ASH1L: variants seen among roughly 807,000 people sequenced by gnomAD.
ASH1L encodes histone-lysine N-methyltransferase ASH1L.
Under a neutral mutation model 269.0 loss-of-function variants are expected in ASH1L, and 23 were observed. The ratio of observed to expected loss-of-function variants is 0.09; its 90% confidence interval spans 0.06 to 0.12. The LOEUF (loss-of-function observed/expected upper bound fraction) is 0.12, where lower values mean the gene tolerates loss of function less well. ASH1L is among the 10% of genes least tolerant of loss of function. ASH1L has a pLI of 1.00. For synonymous variants in ASH1L, 1,187 were observed against 1,253.5 expected (o/e 0.95, Z 1.12); for missense variants, 2,912 against 3,567.8 (o/e 0.82, Z 4.68).
At chr1:155,339,570 A>G (rs954330502) in intron 25 of ASH1L, among the ~76,000 whole-genome samples, 1 of 152,180 alleles carries the variant, frequency 6.6e-6, no homozygotes, top group Non-Finnish European at 1.5e-5. Flanking sequence ...TGACAATGGG[A>G]GGGATAAGTG....
intron 4 of ASH1L, among the ~76,000 whole-genome samples, chr1:155,440,282 T>C (rs1052043462): frequency 6.6e-6 from 1 of 152,004 alleles, no homozygotes; most frequent in African/African-American, 2.4e-5. Context: ...CATTCCAGCC[T>C]GGATGACAGA....
chr1:155,505,658 C>T (rs540904516), intron 2 of ASH1L, among the ~76,000 whole-genome samples: 6 of 152,096 alleles, frequency 3.9e-5, no homozygotes, highest in Non-Finnish European at 8.8e-5. Context: ...ACTCTGTATA[C>T]ACTTAACATA....
At chr1:155,486,549 T>G (rs562097621) in intron 2 of ASH1L, among the ~76,000 whole-genome samples, 1 of 152,292 alleles carries the variant, frequency 6.6e-6, no homozygotes, top group African/African-American at 2.4e-5. Flanking sequence ...TATAACTAGA[T>G]GGTGTGCAAC....
chr1:155,438,761 A>G lies in ASH1L; in HGVS notation c.5394T>C (p.Ser1798=), dbSNP rs781501540. The G allele has an allele frequency of 2.5e-6, 4 of 1,614,028 alleles. No individual in the cohort carries two copies. Among genetic ancestry groups the G allele is most frequent in the Non-Finnish European group, 3.4e-6 (4 of 1,180,024 alleles). ...CTTGGCGTTGCATAGCTTCCACTACACTTCTCTTGATATGATGGGGGGAAC... is the reference window on the plus strand; with the variant it reads ...CTTGGCGTTGCATAGCTTCCACTACGCTTCTCTTGATATGATGGGGGGAAC... ...SSCSPHHIKR[S]VVEAMQRQAR... The change falls in exon 5 of 28, where the codon AGT becomes AGC. Residue 1798 remains serine, a synonymous_variant. Coordinates refer to ENST00000392403, the MANE Select transcript of ASH1L (RefSeq NM_018489.3).
intron 3 of ASH1L, among the ~76,000 whole-genome samples, chr1:155,472,809 C>T (rs1290680447): frequency 6.6e-6 from 1 of 152,058 alleles, no homozygotes; most frequent in Non-Finnish European, 1.5e-5. Context: ...TTAATATGAG[C>T]AATTTTTTAA....
In ASH1L at chr1:155,478,399, C is replaced by T; in HGVS notation, c.4471G>A (p.Glu1491Lys). ...TGGGGTTGTTCAGAAGAACGGTGTT[C>T]TCTGTGTTTGTGACGGTGCCTGTGT... ...HKHRHRHKHREHRSSEQPQVS... is the reference protein window; with the variant it reads ...HKHRHRHKHRKHRSSEQPQVS... Residue 1491 changes from glutamate to lysine, a missense_variant, in exon 3 of 28, where the codon GAA (glutamate) becomes AAA (lysine). Transcript: ENST00000392403. The surrounding 1 kb of genome is among the most constrained non-coding windows in gnomAD (Gnocchi z 4.6). 1 of 1,614,046 alleles carries T rather than the reference C, an allele frequency of 6.2e-7. No homozygotes were observed. The highest frequency in any genetic ancestry group is 8.5e-7 in the Non-Finnish European group (1 of 1,180,010).
Position 155,482,056 on chromosome 1 carries a change from T to C in ASH1L, c.814A>G (p.Lys272Glu). ...ACTGCTGTGCTGATGGTTGGCTTTT[T>C]TATTAAGTCCTTATGTATTATTCCA... is the stretch of plus-strand genomic sequence containing the variant. ...VAGIIHKDLI[K>E]KPTISTAVGL... The change falls in exon 3 of 28, where the codon AAA becomes GAA. Residue 272 changes from lysine to glutamate, a missense_variant. Physicochemically the swap from Lys to Glu is moderately conservative, Grantham distance 56. This residue lies in a region of ASH1L where 277 missense variants were observed against 367.7 expected (regional missense o/e 0.75). Transcript: ENST00000392403. The C allele has an allele frequency of 6.2e-7, 1 of 1,614,188 alleles. No individual in the cohort carries two copies. Among genetic ancestry groups the C allele is most frequent in the Non-Finnish European group, 8.5e-7 (1 of 1,180,016 alleles).
chr1:155,484,314 C>T (rs560431056), intron 2 of ASH1L, among the ~76,000 whole-genome samples: 1 of 151,708 alleles, frequency 6.6e-6, no homozygotes, highest in African/African-American at 2.4e-5. Flanking sequence ...CATGGTGAAA[C>T]CCCATCTCTA....
At chr1:155,405,247 GA>G (rs938371892) in intron 6 of ASH1L, among the ~76,000 whole-genome samples, 12 of 146,618 alleles carry the variant, frequency 8.2e-5, no homozygotes, top group South Asian at 2.3e-4. Context: ...TTAGGGGGCT[GA>G]GGGGGGGGCA....
chr1:155,467,971 T>C (rs1664813528), intron 3 of ASH1L, among the ~76,000 whole-genome samples: 3 of 152,174 alleles, frequency 2.0e-5, no homozygotes, highest in African/African-American at 7.2e-5. Flanking sequence ...ATAACTACAG[T>C]ACATTTGTCA....
intron 5 of ASH1L, among the ~76,000 whole-genome samples, chr1:155,418,952 T>G (rs949753772): frequency 6.6e-6 from 1 of 152,102 alleles, no homozygotes; most frequent in Non-Finnish European, 1.5e-5. Flanking sequence ...GTGCCTGTAG[T>G]CCCAGCTACT....
intron 26 of ASH1L, 58 bp downstream of exon 26, chr1:155,339,270 A>G: frequency 6.6e-7 from 1 of 1,515,254 alleles, no homozygotes; most frequent in Non-Finnish European, 9.2e-7. Context: ...TGTTTTCTTG[A>G]TCCATTCAAG....
intron 1 of ASH1L, among the ~76,000 whole-genome samples, chr1:155,530,528 C>T (rs575431784): frequency 1.3e-5 from 2 of 151,416 alleles, no homozygotes; most frequent in Non-Finnish European, 2.9e-5. Flanking sequence ...GAGTTTGAGA[C>T]CAGCCTGGCC....
At chr1:155,370,400 G>T in intron 12 of ASH1L, 104 bp downstream of exon 12, 1 of 1,476,372 alleles carries the variant, frequency 6.8e-7, no homozygotes. Context: ...GGAACAGCCT[G>T]AGCTGCTTTG....
At chr1:155,457,786 A>T (rs983915998) in intron 4 of ASH1L, among the ~76,000 whole-genome samples, 2 of 152,238 alleles carry the variant, frequency 1.3e-5, no homozygotes, top group Non-Finnish European at 1.5e-5. Context: ...TTGCAAAAGA[A>T]ACATTATGAA....
intron 24 of ASH1L, among the ~76,000 whole-genome samples, chr1:155,342,380 G>A (rs1652893979): frequency 6.6e-6 from 1 of 152,184 alleles, no homozygotes; most frequent in Non-Finnish European, 1.5e-5. Flanking sequence ...GGAGTATTTT[G>A]AGGGAAAAAC....
chr1:155,438,184 A>G (rs1180261109), intron 5 of ASH1L, 143 bp downstream of exon 5: 2 of 889,108 alleles, frequency 2.2e-6, no homozygotes, highest in Non-Finnish European at 1.6e-6. Flanking sequence ...AAAGCAATAC[A>G]TAAGAACAGT....
chr1:155,365,355 G>A (rs1655313640), intron 12 of ASH1L, among the ~76,000 whole-genome samples: 1 of 150,420 alleles, frequency 6.6e-6, no homozygotes, highest in Non-Finnish European at 1.5e-5. Context: ...ACAGGTGTAT[G>A]CCACTATGCC....
intron 15 of ASH1L, among the ~76,000 whole-genome samples, chr1:155,356,412 A>C (rs993408906): frequency 4.6e-5 from 7 of 152,060 alleles, no homozygotes; most frequent in Non-Finnish European, 1.0e-4. Flanking sequence ...AGGCAGGTGG[A>C]TCACAAGGTC....
Sources: gnomAD v4.1 joint callset for allele counts (sites outside exome capture counted in the v4.1 genomes callset) on GRCh38, gnomAD v4.1.1 for gene constraint, gnomAD v4.1.1 regional missense constraint, Gnocchi (gnomAD v3.1) non-coding constraint, MANE v1.5 for transcripts, NCBI Gene and HGNC (gene_info 2026-07-23, HGNC 2026-07-21) for gene names.